Variants in BCAS3 observed in about 807,000 individuals in gnomAD.
BCAS3 encodes BCAS4/BCAS3 fusion.
A neutral mutation model predicts 116.1 loss-of-function variants in BCAS3; 53 were observed. The observed-to-expected ratio is 0.46, with a 90% confidence interval of 0.37 to 0.57. The LOEUF is 0.57. BCAS3 is among the 20% of genes least tolerant of loss of function. The pLI, the probability that BCAS3 is intolerant of heterozygous loss-of-function variation, is 0.00. For synonymous variants in BCAS3, 391 were observed against 408.2 expected (o/e 0.96, Z 0.51); for missense variants, 917 against 1,165.4 (o/e 0.79, Z 3.10).
At chr17:61,185,519 A>G (rs1248505970) in intron 22 of BCAS3, among the ~76,000 whole-genome samples, 1 of 152,142 alleles carries the variant, frequency 6.6e-6, no homozygotes. Flanking sequence ...GGAAGTAACC[A>G]ACTGACAATT....
intron 21 of BCAS3, among the ~76,000 whole-genome samples, chr17:61,079,873 G>A (rs1488062841): frequency 1.4e-5 from 2 of 146,736 alleles, no homozygotes; most frequent in African/African-American, 5.1e-5. Context: ...TGGGATTACA[G>A]GCATGAGTAT....
At chr17:61,195,734 C>T (rs2080442000) in intron 22 of BCAS3, among the ~76,000 whole-genome samples, 1 of 151,672 alleles carries the variant, frequency 6.6e-6, no homozygotes, top group African/African-American at 2.4e-5. Flanking sequence ...GACTCAGACT[C>T]CTAGACTGAA....
At chr17:61,297,246 AT>A (rs1171352443) in intron 22 of BCAS3, among the ~76,000 whole-genome samples, 1 of 152,242 alleles carries the variant, frequency 6.6e-6, no homozygotes, top group African/African-American at 2.4e-5. Flanking sequence ...TTCTGGCTTG[AT>A]AACTGAGTAG....
chr17:61,026,575 C>T lies in BCAS3; in HGVS notation c.1638-8091C>T, dbSNP rs1237345288. Among the ~76,000 whole-genome samples the T allele has an allele frequency of 6.6e-6, 1 of 151,948 alleles. No homozygotes were observed. Among genetic ancestry groups the T allele is most frequent in the African/African-American group, 2.4e-5 (1 of 41,402 alleles). ...ACTTATACCTTGTTTTAAAGGGCTT[C>T]AGCAGTGAATTTTATTTTATTTTAA... is the stretch of plus-strand genomic sequence containing the variant. On this transcript the variant is annotated intron_variant, in intron 16 of 23. Transcript: ENST00000407086. This position sits in a 1 kb window ranked among gnomAD's most constrained non-coding sequence, Gnocchi z 5.0.
rs925032233 is a variant in BCAS3 at position 61,362,091 on chromosome 17, A to T, written c.2426-6236A>T. On this transcript the variant is annotated intron_variant, in intron 22 of 23. Transcript: ENST00000407086. This position sits in a 1 kb window ranked among gnomAD's most constrained non-coding sequence, Gnocchi z 4.4. ...GTTGATACATGAAATTGACCATTGC[A>T]CCAAGAAGAGCTAATGTCCTCAGCC... is the stretch of plus-strand genomic sequence containing the variant. Among the ~76,000 whole-genome samples the T allele has an allele frequency of 1.3e-5, 2 of 152,178 alleles. No homozygotes were observed. The highest frequency in any genetic ancestry group is 2.9e-5 in the Non-Finnish European group (2 of 68,024).
At chr17:61,005,139 T>C (rs2064571595) in intron 15 of BCAS3, among the ~76,000 whole-genome samples, 1 of 152,118 alleles carries the variant, frequency 6.6e-6, no homozygotes, top group African/African-American at 2.4e-5. Context: ...TCACTCCTCT[T>C]TGTGGTTCTT....
intron 7 of BCAS3, among the ~76,000 whole-genome samples, chr17:60,842,352 A>G (rs1236298878): frequency 6.6e-6 from 1 of 152,132 alleles, no homozygotes; most frequent in Non-Finnish European, 1.5e-5. Context: ...GTGAATTAGG[A>G]TACTTATAAT....
At chr17:60,966,199 T>C (rs77949552) in intron 14 of BCAS3, among the ~76,000 whole-genome samples, 154 of 152,326 alleles carry the variant, frequency 1.0e-3, no homozygotes, top group African/African-American at 3.4e-3. Flanking sequence ...ACCCCTTCAC[T>C]TTCAGTCTAT....
intron 22 of BCAS3, among the ~76,000 whole-genome samples, chr17:61,142,219 C>G (rs2076962409): frequency 6.6e-6 from 1 of 152,022 alleles, no homozygotes; most frequent in South Asian, 2.1e-4. Flanking sequence ...GACGAGGAGA[C>G]AAAGACTTAA....
At chr17:60,882,751 T>C (rs1334663251) in intron 9 of BCAS3, among the ~76,000 whole-genome samples, 3 of 146,330 alleles carry the variant, frequency 2.1e-5, no homozygotes, top group Non-Finnish European at 3.0e-5. Flanking sequence ...CAGATAGTTG[T>C]AGGTATGTGG....
intron 22 of BCAS3, among the ~76,000 whole-genome samples, chr17:61,237,363 G>T (rs190508555): frequency 6.6e-6 from 1 of 152,180 alleles, no homozygotes; most frequent in Non-Finnish European, 1.5e-5. Context: ...GTAGCCAATC[G>T]CAAGGAGGAT....
chr17:61,266,220 T>A (rs1394415035), intron 22 of BCAS3, among the ~76,000 whole-genome samples: 3 of 152,202 alleles, frequency 2.0e-5, no homozygotes, highest in Non-Finnish European at 4.4e-5. Context: ...TTTGATCTTA[T>A]TTTTACCTTA....
At chr17:60,684,267 G>A (rs1394044203) in intron 3 of BCAS3, among the ~76,000 whole-genome samples, 1 of 152,128 alleles carries the variant, frequency 6.6e-6, no homozygotes, top group Non-Finnish European at 1.5e-5. Flanking sequence ...AAGAATCAAG[G>A]TGAATTGTTA....
intron 7 of BCAS3, among the ~76,000 whole-genome samples, chr17:60,826,101 C>T (rs1402671256): frequency 4.0e-5 from 6 of 151,842 alleles, no homozygotes; most frequent in Non-Finnish European, 7.4e-5. Context: ...ACCTCGTGAT[C>T]CTCCTTCCTT....
chr17:60,743,252 T>G (rs930834027), intron 5 of BCAS3, among the ~76,000 whole-genome samples: 1 of 152,044 alleles, frequency 6.6e-6, no homozygotes, highest in Non-Finnish European at 1.5e-5. Context: ...TTCCCAAGGG[T>G]ACATATTGTG....
At chr17:61,284,596 C>T (rs1440860959) in intron 22 of BCAS3, among the ~76,000 whole-genome samples, 1 of 152,072 alleles carries the variant, frequency 6.6e-6, no homozygotes, top group Non-Finnish European at 1.5e-5. Flanking sequence ...TGTTCACCTC[C>T]GATGCTGCTT....
chr17:60,735,255 C>T (rs1315410475), intron 5 of BCAS3, among the ~76,000 whole-genome samples: 1 of 151,924 alleles, frequency 6.6e-6, no homozygotes, highest in East Asian at 1.9e-4. Flanking sequence ...ATCATGTCTT[C>T]TGTGAACAAA....
At chr17:61,062,690 G>A (rs2070190891) in intron 19 of BCAS3, among the ~76,000 whole-genome samples, 1 of 152,116 alleles carries the variant, frequency 6.6e-6, no homozygotes, top group Admixed American at 6.5e-5. Context: ...CTCAAGATAA[G>A]CCCCATCAAG....
intron 22 of BCAS3, among the ~76,000 whole-genome samples, chr17:61,360,230 A>G (rs937439423): frequency 4.6e-5 from 7 of 151,682 alleles, no homozygotes; most frequent in Admixed American, 4.6e-4. Context: ...GTCTCAAACT[A>G]CTGACCTCAG....
Sources: allele counts gnomAD v4.1 joint callset (sites outside exome capture counted in the v4.1 genomes callset), GRCh38; gene constraint gnomAD v4.1.1; non-coding constraint Gnocchi (gnomAD v3.1); transcripts MANE v1.5; gene names NCBI Gene and HGNC (gene_info 2026-07-23, HGNC 2026-07-21).